Variants in SLC10A7 observed in about 807,000 individuals in gnomAD.
SLC10A7 encodes the protein sodium/bile acid cotransporter 7.
A neutral mutation model predicts 43.2 loss-of-function variants in SLC10A7; 29 were observed. That is an observed-to-expected ratio of 0.67 (90% CI 0.50 to 0.92). SLC10A7 has a LOEUF of 0.92. Among genes scored for constraint, SLC10A7 ranks in the 40% least tolerant of loss-of-function variants. The probability of loss-of-function intolerance (pLI) is 0.00; values close to 1 mark genes in which losing one functional copy is unlikely to be tolerated. For synonymous variants in SLC10A7, 152 were observed against 144.8 expected (o/e 1.05, Z -0.35); for missense variants, 295 against 403.2 (o/e 0.73, Z 2.30).
In SLC10A7 at chr4:146,333,853, T is replaced by G. The variant is rs79774087; in HGVS notation, c.436-7857A>C. ...TCCGTGTGTACTTTAGAGAACACAT[T>G]AAAGCAGAAGATTAGAGTGAGGCAG... On this transcript the variant is annotated intron_variant, in intron 5 of 11. Transcript: ENST00000335472. 1.4e-3 allele frequency among the ~76,000 whole-genome samples: 208 copies of G among 152,048 alleles called. 1 individual carries two copies. The East Asian group carries it at 0.015, about 11-fold the overall frequency.
intron 9 of SLC10A7, among the ~76,000 whole-genome samples, chr4:146,291,872 T>C (rs1318946607): frequency 2.6e-5 from 4 of 152,222 alleles, no homozygotes; most frequent in Admixed American, 2.0e-4. Context: ...CAGTGCAAGA[T>C]TGAAATCACC....
intron 2 of SLC10A7, among the ~76,000 whole-genome samples, chr4:146,512,889 T>C (rs1432574794): frequency 1.3e-5 from 2 of 152,182 alleles, no homozygotes; most frequent in Non-Finnish European, 2.9e-5. Flanking sequence ...AAATACATCA[T>C]GACACATCCG....
At chr4:146,465,240 C>A (rs1732911809) in intron 4 of SLC10A7, among the ~76,000 whole-genome samples, 1 of 152,112 alleles carries the variant, frequency 6.6e-6, no homozygotes, top group Non-Finnish European at 1.5e-5. Flanking sequence ...TCTTTTTCCT[C>A]TTCTAAACAC....
Position 146,256,407 on chromosome 4 carries a change from C to T in SLC10A7, c.*84G>A. On this transcript the variant is annotated 3_prime_UTR_variant, in exon 12 of 12. Transcript: ENST00000335472. ...AAAAATAAAATATGCATTGAGGCAA[C>T]ATTCACAAGTACAAGTCTTCAGAAT... 7.6e-7 allele frequency: 1 copy of T among 1,316,622 alleles called. No homozygotes were observed. 81.6% of individuals were successfully genotyped at this position (1,316,622 alleles called of 1,614,324 possible).
intron 5 of SLC10A7, among the ~76,000 whole-genome samples, chr4:146,381,216 A>C (rs1737595567): frequency 6.6e-6 from 1 of 152,186 alleles, no homozygotes; most frequent in African/African-American, 2.4e-5. Flanking sequence ...TCAGTCATCA[A>C]TAACAAACTT....
intron 5 of SLC10A7, among the ~76,000 whole-genome samples, chr4:146,377,252 C>T (rs986116280): frequency 6.6e-6 from 1 of 152,160 alleles, no homozygotes; most frequent in Non-Finnish European, 1.5e-5. Context: ...TCAATAAAAT[C>T]TCTGCATCCT....
intron 4 of SLC10A7, among the ~76,000 whole-genome samples, chr4:146,473,192 G>C (rs1020036966): frequency 3.3e-5 from 5 of 152,176 alleles, no homozygotes; most frequent in Non-Finnish European, 5.9e-5. Flanking sequence ...AATAAGAAAA[G>C]TTGTGGACAG....
chr4:146,291,557 C>G (rs947726470), intron 9 of SLC10A7, among the ~76,000 whole-genome samples: 2 of 152,210 alleles, frequency 1.3e-5, no homozygotes, highest in Non-Finnish European at 2.9e-5. Context: ...TGTTCATGGG[C>G]TTTGCAATCT....
chr4:146,350,399 T>A (rs756677601), intron 5 of SLC10A7, among the ~76,000 whole-genome samples: 1 of 142,316 alleles, frequency 7.0e-6, no homozygotes. Flanking sequence ...GGAATCTCGC[T>A]GATTGCTAGC....
intron 4 of SLC10A7, among the ~76,000 whole-genome samples, chr4:146,449,522 C>A (rs1731396510): frequency 6.6e-6 from 1 of 151,908 alleles, no homozygotes; most frequent in African/African-American, 2.4e-5. Flanking sequence ...AGCGTGTAGA[C>A]CCCTGCTATG....
At chr4:146,473,554 T>G (rs1368023483) in intron 4 of SLC10A7, among the ~76,000 whole-genome samples, 1 of 152,172 alleles carries the variant, frequency 6.6e-6, no homozygotes, top group Non-Finnish European at 1.5e-5. Flanking sequence ...ATAGTCTCAT[T>G]CCTTGAAATT....
chr4:146,335,250 G>GAAAAAAAAAAAAAAAAAA (rs772547279), intron 5 of SLC10A7, among the ~76,000 whole-genome samples: 1 of 70,624 alleles, frequency 1.4e-5, no homozygotes, highest in African/African-American at 6.8e-5. Flanking sequence ...CACAGATGTT[G>GAAAAAAAAAAAAAAAAAA]TAAAAAAAAA....
intron 6 of SLC10A7, among the ~76,000 whole-genome samples, chr4:146,308,917 A>G (rs1375462015): frequency 6.6e-6 from 1 of 152,182 alleles, no homozygotes; most frequent in African/African-American, 2.4e-5. Flanking sequence ...TCAATCATTC[A>G]AGTAGTTACT....
At chr4:146,355,581 C>G (rs1048156160) in intron 5 of SLC10A7, among the ~76,000 whole-genome samples, 1 of 151,802 alleles carries the variant, frequency 6.6e-6, no homozygotes, top group African/African-American at 2.4e-5. Context: ...TATAAAGACA[C>G]ATGCACACGT....
At chr4:146,482,227 A>G (rs1424085000) in intron 4 of SLC10A7, among the ~76,000 whole-genome samples, 2 of 152,232 alleles carry the variant, frequency 1.3e-5, no homozygotes, top group African/African-American at 4.8e-5. Flanking sequence ...GAAGAATGAT[A>G]CCACCAAAGG....
rs34522588 is a variant in SLC10A7 at position 146,335,251 on chromosome 4, TAAAAAAAAAAAAAAAAAAAAAAAAA to T, written c.436-9280_436-9256del. Among the ~76,000 whole-genome samples the T allele has an allele frequency of 6.2e-3, 577 of 92,664 alleles. 4 individuals carry two copies. The highest frequency in any genetic ancestry group is 0.022 in the African/African-American group (529 of 23,564). The allele number at this position is 92,664 out of a possible 152,430, so 60.8% of individuals were successfully genotyped here. A position where few individuals can be genotyped will look rare whatever the true frequency, so the allele number is the denominator to read the frequency against. ...CATTAAAGTGTTGCCACAGATGTTG[TAAAAAAAAAAAAAAAAAAAAAAAAA>T]AAAAAGAGTCCTGGATCAGAGCCAA... On this transcript the variant is annotated intron_variant, in intron 5 of 11. Transcript: ENST00000335472.
At chr4:146,414,753 T>C (rs1286155668) in intron 5 of SLC10A7, among the ~76,000 whole-genome samples, 1 of 149,238 alleles carries the variant, frequency 6.7e-6, no homozygotes, top group Non-Finnish European at 1.5e-5. Flanking sequence ...AGAAAACTGC[T>C]TAAGAGCTTA....
chr4:146,445,375 C>T lies in SLC10A7; in HGVS notation c.397-2554G>A, dbSNP rs192290915. On this transcript the variant is annotated intron_variant, in intron 4 of 11. Coordinates refer to ENST00000335472, the MANE Select transcript of SLC10A7 (RefSeq NM_001029998.6). ...ACACAAGCAAACGGGTGTGGGAACG[C>T]GCACAAAGGAACACTGGAACTGGCC... Among the ~76,000 whole-genome samples, 29 of 152,244 alleles carry T rather than the reference C, an allele frequency of 1.9e-4. No homozygotes were observed. The East Asian group carries it at 5.2e-3, about 27-fold the overall frequency.
chr4:146,260,673 G>C (rs997481861), intron 10 of SLC10A7, among the ~76,000 whole-genome samples: 1 of 152,238 alleles, frequency 6.6e-6, no homozygotes, highest in Non-Finnish European at 1.5e-5. Context: ...AAATTTCTTA[G>C]TGGTAGGCTC....
Sources: allele counts gnomAD v4.1 joint callset (sites outside exome capture counted in the v4.1 genomes callset), GRCh38; gene constraint gnomAD v4.1.1; transcripts MANE v1.5; gene names NCBI Gene and HGNC (gene_info 2026-07-23, HGNC 2026-07-21).